Variants in LYN observed in about 807,000 individuals in gnomAD.
LYN encodes the protein LYN proto-oncogene, Src family tyrosine kinase.
Under a neutral mutation model 65.0 loss-of-function variants are expected in LYN, and 12 were observed. The observed-to-expected ratio is 0.18, with a 90% CI of 0.12 to 0.30. The LOEUF (loss-of-function observed/expected upper bound fraction) is 0.30. LYN is among the 10% of genes least tolerant of loss of function. The pLI, the probability that LYN is intolerant of heterozygous loss-of-function variation, is 1.00. For missense variants in LYN, 380 were observed against 623.2 expected (o/e 0.61, Z 4.16); for synonymous variants, 222 against 221.2 (o/e 1.00, Z -0.03).
At chr8:55,922,074 A>G (rs1156851061) in intron 1 of LYN, among the ~76,000 whole-genome samples, 1 of 152,094 alleles carries the variant, frequency 6.6e-6, no homozygotes, top group Non-Finnish European at 1.5e-5. Context: ...ATGAATGGAT[A>G]AGGGAGATCA....
At chr8:55,908,438 T>G (rs933244856) in intron 1 of LYN, among the ~76,000 whole-genome samples, 1 of 151,730 alleles carries the variant, frequency 6.6e-6, no homozygotes, top group Non-Finnish European at 1.5e-5. Flanking sequence ...AGAGACAGGG[T>G]TTCACCATGT....
chr8:56,003,721 T>A (rs1281456726), intron 12 of LYN, among the ~76,000 whole-genome samples: 3 of 147,820 alleles, frequency 2.0e-5, no homozygotes. Context: ...CTTTGTAAAA[T>A]AAAAAGGAAA....
Position 55,932,577 on chromosome 8 carries a change from C to T in LYN, c.-5-9278C>T, listed in dbSNP as rs150737629. Among the ~76,000 whole-genome samples, 787 of 152,094 alleles carry T rather than the reference C, an allele frequency of 5.2e-3. 5 individuals are homozygous for T. The highest frequency in any genetic ancestry group is 0.016 in the African/African-American group (683 of 41,472). The stretch of plus-strand genomic sequence containing the variant: ...CTGGGATCACAAGCATGCACCACCA[C>T]GCCTGGCTAATTTTTGTATTTTTAG... On this transcript the variant is annotated intron_variant, in intron 1 of 12. Transcript: ENST00000519728.
intron 12 of LYN, among the ~76,000 whole-genome samples, chr8:56,001,838 A>T (rs1280777752): frequency 1.3e-5 from 2 of 152,124 alleles, no homozygotes; most frequent in Admixed American, 6.5e-5. Context: ...ATGTGCTACC[A>T]TGGCCCCTGA....
chr8:55,995,297 T>C (rs1462578170), intron 10 of LYN, among the ~76,000 whole-genome samples: 1 of 152,208 alleles, frequency 6.6e-6, no homozygotes, highest in Non-Finnish European at 1.5e-5. Context: ...CAAGGCTGTT[T>C]GAATCTTTTC....
At chr8:55,920,596 A>G (rs1805917130) in intron 1 of LYN, among the ~76,000 whole-genome samples, 1 of 152,200 alleles carries the variant, frequency 6.6e-6, no homozygotes, top group Non-Finnish European at 1.5e-5. Flanking sequence ...GCTTATGTTT[A>G]TATGTCTGTT....
chr8:55,933,990 G>T (rs544576373), intron 1 of LYN, among the ~76,000 whole-genome samples: 1 of 152,180 alleles, frequency 6.6e-6, no homozygotes, highest in South Asian at 2.1e-4. Flanking sequence ...CACTTTGGGA[G>T]GCCAAGGCGG....
intron 8 of LYN, chr8:55,955,166 C>T (rs1807069350): frequency 6.6e-6 from 1 of 152,320 alleles, no homozygotes; most frequent in African/African-American, 2.4e-5. Context: ...CAGGTTTTCC[C>T]TCTACAGTCT....
At chr8:55,935,546 G>A (rs1344825409) in intron 1 of LYN, among the ~76,000 whole-genome samples, 2 of 152,120 alleles carry the variant, frequency 1.3e-5, no homozygotes, top group South Asian at 2.1e-4. Context: ...GGCCGAGGCG[G>A]GTGTATCACC....
At chr8:55,909,131 C>T (rs915078972) in intron 1 of LYN, among the ~76,000 whole-genome samples, 13 of 151,162 alleles carry the variant, frequency 8.6e-5, no homozygotes, top group African/African-American at 2.9e-4. Context: ...TAGATCATGG[C>T]GAATTTGCTT....
intron 1 of LYN, among the ~76,000 whole-genome samples, chr8:55,937,975 T>A (rs923040467): frequency 6.6e-6 from 1 of 152,178 alleles, no homozygotes; most frequent in East Asian, 1.9e-4. Flanking sequence ...GGGATTACAC[T>A]TGTGAGCCAC....
At chr8:55,912,604 G>C (rs1283149260) in intron 1 of LYN, among the ~76,000 whole-genome samples, 1 of 151,996 alleles carries the variant, frequency 6.6e-6, no homozygotes, top group African/African-American at 2.4e-5. Context: ...GCACATGCCT[G>C]TAATCCCAGC....
In LYN at chr8:55,885,900, G is replaced by T. The variant is rs535221330; in HGVS notation, c.-6+5797G>T. On this transcript the variant is annotated intron_variant, in intron 1 of 12. Transcript: ENST00000519728. ...ACCACCCAATGCTGCGTTTTCCTCG[G>T]GGTTCTTTCTACCCTCTGCTGCCCT... is the stretch of plus-strand genomic sequence containing the variant. 3.9e-4 allele frequency among the ~76,000 whole-genome samples: 59 copies of T among 152,076 alleles called. 1 individual carries two copies. The highest frequency in any genetic ancestry group is 1.3e-3 in the African/African-American group (55 of 41,490).
At chr8:55,881,151 G>A (rs1804644356) in intron 1 of LYN, among the ~76,000 whole-genome samples, 1 of 152,174 alleles carries the variant, frequency 6.6e-6, no homozygotes, top group Non-Finnish European at 1.5e-5. Context: ...CGATGTTACT[G>A]TTATTTATTG....
In LYN at chr8:55,954,843, TAAATA is replaced by T; in HGVS notation, c.790+862_790+866del. ...CAGTGAGACCCTGCCTCAAAATAAA[TAAATA>T]AATAAATAAATAAATAAATAAATAA... On this transcript the variant is annotated intron_variant, in intron 8 of 12. Coordinates refer to ENST00000519728, the MANE Select transcript of LYN (RefSeq NM_002350.4). Among the ~76,000 whole-genome samples the T allele has an allele frequency of 7.5e-5, 5 of 66,230 alleles. 1 individual carries two copies. In the South Asian group the frequency reaches 1.6e-3, roughly 21 times the overall value. 43.4% of individuals were successfully genotyped at this position (66,230 alleles called of 152,430 possible).
chr8:56,003,836 T>C (rs1044247038), intron 12 of LYN, among the ~76,000 whole-genome samples: 1 of 151,802 alleles, frequency 6.6e-6, no homozygotes, highest in Non-Finnish European at 1.5e-5. Context: ...TAGCATTGGG[T>C]CAAGAGATAA....
At chr8:55,918,518 AAT>A (rs1207872165) in intron 1 of LYN, among the ~76,000 whole-genome samples, 4 of 152,238 alleles carry the variant, frequency 2.6e-5, no homozygotes, top group African/African-American at 9.6e-5. Context: ...TGTGCAGCAA[AAT>A]ATATGTTTAA....
At chr8:55,966,581 T>C in intron 8 of LYN, 134 bp from the exon 9 acceptor site, 1 of 640,816 alleles carries the variant, frequency 1.6e-6, no homozygotes, top group Non-Finnish European at 2.6e-6. Flanking sequence ...TTAGCCAGGC[T>C]GGTTTCGAAC....
chr8:55,954,985 A>G (rs1807064958), intron 8 of LYN: 1 of 152,208 alleles, frequency 6.6e-6, no homozygotes, highest in Admixed American at 6.6e-5. Flanking sequence ...TTATTTCTGG[A>G]AAGAGTAACA....
Sources: allele counts gnomAD v4.1 joint callset (sites outside exome capture counted in the v4.1 genomes callset), GRCh38; gene constraint gnomAD v4.1.1; transcripts MANE v1.5; gene names NCBI Gene and HGNC (gene_info 2026-07-23, HGNC 2026-07-21).